The following ZC3H12B variants were observed in gnomAD, a reference collection of about 807,000 sequenced individuals.
ZC3H12B encodes zinc finger CCCH-type containing 12B.
ZC3H12B carries 7 observed loss-of-function variants against 43.9 expected under a neutral mutation model. That is an observed-to-expected ratio of 0.16 (90% confidence interval 0.09 to 0.30). The LOEUF (loss-of-function observed/expected upper bound fraction) is 0.30, where lower values mean the gene tolerates loss of function less well. Among genes scored for constraint, ZC3H12B ranks in the 10% least tolerant of loss-of-function variants. The pLI is 1.00. For synonymous variants in ZC3H12B, 222 were observed against 241.7 expected, an observed-to-expected ratio of 0.92 and a Z score of 0.76; for missense variants, 475 against 670.2, an observed-to-expected ratio of 0.71 and a Z score of 3.22.
chrX:65,056,609 CTT>C, the ZC3H12B span, among the ~76,000 whole-genome samples: 1 of 111,592 alleles, frequency 9.0e-6, no homozygotes, highest in Non-Finnish European at 1.9e-5. Flanking sequence ...ATTAGGTCCT[CTT>C]GGTGCAGAGC....
At chrX:65,076,944 A>C in the ZC3H12B span, among the ~76,000 whole-genome samples, 1 of 111,413 alleles carries the variant, frequency 9.0e-6, no homozygotes, top group African/African-American at 3.3e-5. Context: ...TTTCTCAGTC[A>C]AATTGTAGTT....
the ZC3H12B span, among the ~76,000 whole-genome samples, chrX:65,035,357 T>A: frequency 3.2e-4 from 36 of 112,333 alleles, no homozygotes; most frequent in Non-Finnish European, 6.4e-4. Flanking sequence ...TGCTTTCTCC[T>A]GCAGAAGCTT....
the ZC3H12B span, among the ~76,000 whole-genome samples, chrX:65,225,000 C>G: frequency 8.9e-6 from 1 of 111,794 alleles, no homozygotes; most frequent in Non-Finnish European, 1.9e-5. Context: ...ATGTCCCTGT[C>G]TGACAGAGTT....
intron 2 of ZC3H12B, among the ~76,000 whole-genome samples, chrX:65,381,002 A>C (rs764013595): frequency 7.2e-5 from 8 of 111,433 alleles, no homozygotes; most frequent in African/African-American, 2.6e-4. Flanking sequence ...AACATTAATA[A>C]TGGGAGACTT....
At chrX:65,458,222 A>T (rs1157217393) in intron 3 of ZC3H12B, among the ~76,000 whole-genome samples, 1 of 109,840 alleles carries the variant, frequency 9.1e-6, no homozygotes, top group Non-Finnish European at 1.9e-5. Context: ...GTCCTTAGAG[A>T]CCTACAAAGA....
chrX:65,307,225 C>G, the ZC3H12B span, among the ~76,000 whole-genome samples: 1 of 111,676 alleles, frequency 9.0e-6, no homozygotes, highest in African/African-American at 3.3e-5. Flanking sequence ...ATAGCAATAT[C>G]CAGATATTCA....
the ZC3H12B span, among the ~76,000 whole-genome samples, chrX:65,158,716 A>C: frequency 1.8e-5 from 2 of 111,230 alleles, no homozygotes; most frequent in Non-Finnish European, 3.8e-5. Flanking sequence ...CTCCCATTTT[A>C]TGCATTGCCT....
chrX:65,091,980 G>T, the ZC3H12B span, among the ~76,000 whole-genome samples: 4 of 111,631 alleles, frequency 3.6e-5, no homozygotes, highest in Non-Finnish European at 1.9e-5. Flanking sequence ...TAGATCATGG[G>T]GGTGAATCCT....
chrX:65,066,772 G>T, the ZC3H12B span, among the ~76,000 whole-genome samples: 5,074 of 111,835 alleles, frequency 0.045, 129 homozygotes, highest in Non-Finnish European at 0.07. Context: ...CTGTCCCAGG[G>T]TGATGGGAGT....
At chrX:65,432,101 G>T (rs1256322699) in intron 3 of ZC3H12B, among the ~76,000 whole-genome samples, 1 of 111,649 alleles carries the variant, frequency 9.0e-6, no homozygotes, top group Non-Finnish European at 1.9e-5. Context: ...AGACACCATG[G>T]GTATTAGGGC....
chrX:65,220,571 AG>A, the ZC3H12B span, among the ~76,000 whole-genome samples: 1 of 112,048 alleles, frequency 8.9e-6, no homozygotes, highest in Non-Finnish European at 1.9e-5. Context: ...GACAAAACAA[AG>A]TTTTAAGCAA....
the ZC3H12B span, among the ~76,000 whole-genome samples, chrX:65,161,768 G>T: frequency 9.0e-6 from 1 of 111,658 alleles, no homozygotes; most frequent in Non-Finnish European, 1.9e-5. Flanking sequence ...TTACATTTAA[G>T]GTTAATATTG....
the ZC3H12B span, among the ~76,000 whole-genome samples, chrX:65,356,208 C>T: frequency 1.6e-4 from 18 of 111,136 alleles, no homozygotes; most frequent in Admixed American, 6.7e-4. Flanking sequence ...TGGACTGCAA[C>T]CTATATAATT....
intron 1 of ZC3H12B, among the ~76,000 whole-genome samples, chrX:65,494,533 G>A (rs922691331): frequency 6.4e-4 from 71 of 111,049 alleles, no homozygotes; most frequent in Non-Finnish European, 8.7e-4. Context: ...CTGTAATCCC[G>A]GCACTTTAGG....
At chrX:65,192,688 G>T in the ZC3H12B span, among the ~76,000 whole-genome samples, 2 of 111,236 alleles carry the variant, frequency 1.8e-5, no homozygotes, top group African/African-American at 6.5e-5. Flanking sequence ...TCCCTCCCTA[G>T]GATAAATCCC....
chrX:65,042,180 A>G, the ZC3H12B span, among the ~76,000 whole-genome samples: 1,334 of 112,593 alleles, frequency 0.012, 12 homozygotes, highest in Non-Finnish European at 0.02. Flanking sequence ...TACACAGGTT[A>G]TTGGATTGAC....
At chrX:65,270,854 C>G in the ZC3H12B span, 1 of 111,357 alleles carries the variant, frequency 9.0e-6, no homozygotes, top group African/African-American at 3.3e-5. Context: ...CCCATGAAGA[C>G]CCAGCCAAGT....
chrX:65,229,950 G>A, the ZC3H12B span, among the ~76,000 whole-genome samples: 1 of 111,807 alleles, frequency 8.9e-6, no homozygotes, highest in Admixed American at 9.5e-5. Flanking sequence ...CAGTAAACTA[G>A]TTCAACCATT....
chrX:65,156,178 T>C, the ZC3H12B span, among the ~76,000 whole-genome samples: 6 of 110,962 alleles, frequency 5.4e-5, no homozygotes, highest in African/African-American at 2.0e-4. Context: ...ATATTGTGCT[T>C]TCTCTCTCCT....
Sources: gnomAD v4.1 joint callset for allele counts (sites outside exome capture counted in the v4.1 genomes callset) on GRCh38, gnomAD v4.1.1 for gene constraint, MANE v1.5 for transcripts, NCBI Gene and HGNC (gene_info 2026-07-23, HGNC 2026-07-21) for gene names.